The following ADAMTSL3 variants were observed in gnomAD, a reference collection of about 807,000 sequenced individuals.
ADAMTSL3 encodes ADAMTS like 3.
A neutral mutation model predicts 201.7 loss-of-function variants in ADAMTSL3; 128 were observed. That is an observed-to-expected ratio of 0.63 (90% CI 0.55 to 0.73). The LOEUF is 0.73. Ranked by LOEUF, ADAMTSL3 falls within the 30% of genes least tolerant of loss-of-function variation. ADAMTSL3 has a pLI of 0.00. For missense variants in ADAMTSL3, 1,990 were observed against 2,119.6 expected (o/e 0.94, Z 1.20); for synonymous variants, 738 against 748.4 (o/e 0.99, Z 0.23).
At chr15:83,832,901 G>A (rs569515747) in intron 6 of ADAMTSL3, among the ~76,000 whole-genome samples, 13 of 152,236 alleles carry the variant, frequency 8.5e-5, no homozygotes, top group Non-Finnish European at 1.9e-4. Flanking sequence ...TTAGAGGCAC[G>A]ACCTGGTTGG....
chr15:83,655,640 G>A (rs754646312), intron 1 of ADAMTSL3, 89 bp from the exon 2 acceptor site: 21 of 902,492 alleles, frequency 2.3e-5, no homozygotes, highest in Non-Finnish European at 3.5e-5. Context: ...TGGGCTTCAG[G>A]GTCCCTCCAT....
At chr15:83,828,428 T>C (rs1484626165) in intron 6 of ADAMTSL3, among the ~76,000 whole-genome samples, 1 of 152,230 alleles carries the variant, frequency 6.6e-6, no homozygotes, top group East Asian at 1.9e-4. Context: ...GATTTTGGGC[T>C]GAGACGATGG....
intron 4 of ADAMTSL3, among the ~76,000 whole-genome samples, chr15:83,803,275 A>G (rs2063551876): frequency 6.6e-6 from 1 of 152,172 alleles, no homozygotes; most frequent in African/African-American, 2.4e-5. Context: ...ATCAAGAAAA[A>G]TGGAAGCATC....
intron 16 of ADAMTSL3, among the ~76,000 whole-genome samples, chr15:83,922,270 A>C (rs1021477788): frequency 4.6e-5 from 7 of 152,152 alleles, no homozygotes; most frequent in Non-Finnish European, 7.3e-5. Flanking sequence ...TATCCTAAAC[A>C]CCTATTAAAC....
At chr15:83,789,900 C>A (rs2063318909) in intron 4 of ADAMTSL3, among the ~76,000 whole-genome samples, 2 of 152,066 alleles carry the variant, frequency 1.3e-5, no homozygotes, top group Admixed American at 1.3e-4. Flanking sequence ...ATCCTGCTTT[C>A]AAAAGTATCT....
chr15:83,922,109 A>G (rs1287541113), intron 16 of ADAMTSL3, among the ~76,000 whole-genome samples: 1 of 152,170 alleles, frequency 6.6e-6, no homozygotes, highest in Non-Finnish European at 1.5e-5. Context: ...ACTTATTTTT[A>G]TAATTTTTCC....
At chr15:83,938,097 C>T (rs1027342748) in intron 17 of ADAMTSL3, among the ~76,000 whole-genome samples, 1 of 151,212 alleles carries the variant, frequency 6.6e-6, no homozygotes, top group Non-Finnish European at 1.5e-5. Context: ...ATAATAGTTT[C>T]TGATTTATCA....
intron 9 of ADAMTSL3, 103 bp from the exon 10 acceptor site, chr15:83,884,998 G>C (rs1596355624): frequency 1.4e-6 from 1 of 692,632 alleles, no homozygotes; most frequent in East Asian, 2.8e-5. Flanking sequence ...CTAATGGATG[G>C]GTGGTTGTCT....
intron 15 of ADAMTSL3, among the ~76,000 whole-genome samples, chr15:83,909,920 G>T: frequency 6.7e-6 from 1 of 149,926 alleles, no homozygotes; most frequent in African/African-American, 2.4e-5. Context: ...CCGCTGATGG[G>T]TTTTGACAGA....
At chr15:83,955,987 A>C (rs1375116032) in intron 19 of ADAMTSL3, among the ~76,000 whole-genome samples, 1 of 152,064 alleles carries the variant, frequency 6.6e-6, no homozygotes, top group African/African-American at 2.4e-5. Flanking sequence ...ACACCATCAG[A>C]CTTGCCTAAG....
At position 83,913,442 on chromosome 15, in the gene ADAMTSL3, C is replaced by T. The variant is rs577698117; in HGVS notation, c.1987+64C>T. 5.2e-6 allele frequency: 8 copies of T among 1,537,192 alleles called. No individual in the cohort carries two copies. In the African/African-American group the frequency reaches 9.5e-5, roughly 18 times the overall value. ...GTTGCTAGTGGTTTGAGAAATTACTCAATCAGGTAAGCCAAATATGCAAAT... is the reference window on the plus strand; with the variant it reads ...GTTGCTAGTGGTTTGAGAAATTACTTAATCAGGTAAGCCAAATATGCAAAT... On this transcript the variant is annotated intron_variant, in intron 16 of 29. Transcript: ENST00000286744.
chr15:84,019,076 T>TAC (rs71453219), intron 25 of ADAMTSL3, among the ~76,000 whole-genome samples: 4,199 of 139,182 alleles, frequency 0.03, 128 homozygotes, highest in East Asian at 0.11. Flanking sequence ...CACACACACA[T>TAC]ACACACACAC....
intron 19 of ADAMTSL3, among the ~76,000 whole-genome samples, chr15:83,952,711 C>T (rs377412436): frequency 1.2e-4 from 18 of 150,994 alleles, no homozygotes; most frequent in South Asian, 6.3e-4. Flanking sequence ...GAGGTTGAGG[C>T]GAGAGAATCA....
intron 15 of ADAMTSL3, among the ~76,000 whole-genome samples, chr15:83,908,492 G>A (rs2065879317): frequency 6.6e-6 from 1 of 152,060 alleles, no homozygotes; most frequent in Admixed American, 6.5e-5. Context: ...TAATATTATT[G>A]TTCTTATTTT....
chr15:84,024,088 TA>T (rs2068255775), intron 26 of ADAMTSL3, among the ~76,000 whole-genome samples: 1 of 152,080 alleles, frequency 6.6e-6, no homozygotes, highest in Non-Finnish European at 1.5e-5. Flanking sequence ...ACCCCGTCCC[TA>T]CTAAAAATAC....
intron 19 of ADAMTSL3, among the ~76,000 whole-genome samples, chr15:83,958,119 C>T (rs139928960): frequency 5.3e-5 from 8 of 151,998 alleles, no homozygotes; most frequent in African/African-American, 1.7e-4. Context: ...AGCTGGGCAG[C>T]GATAAAAAAG....
At chr15:83,893,065 C>G (rs1042598286) in intron 13 of ADAMTSL3, among the ~76,000 whole-genome samples, 177 bp downstream of exon 13, 1 of 152,072 alleles carries the variant, frequency 6.6e-6, no homozygotes, top group African/African-American at 2.4e-5. Flanking sequence ...AGACCACAAG[C>G]ATCATGGTAG....
chr15:83,738,951 A>AAAAAT (rs57844422), intron 3 of ADAMTSL3, among the ~76,000 whole-genome samples: 57,666 of 148,708 alleles, frequency 0.39, 12,130 homozygotes, highest in South Asian at 0.62. Context: ...CCACAAGAAA[A>AAAAAT]AAAATAAAAT....
intron 2 of ADAMTSL3, among the ~76,000 whole-genome samples, chr15:83,702,663 C>G (rs1312402276): frequency 2.6e-5 from 4 of 152,134 alleles, no homozygotes. Flanking sequence ...CAACAGAAGT[C>G]AAGAATTGAG....
Sources: allele counts gnomAD v4.1 joint callset (sites outside exome capture counted in the v4.1 genomes callset), GRCh38; gene constraint gnomAD v4.1.1; transcripts MANE v1.5; gene names NCBI Gene and HGNC (gene_info 2026-07-23, HGNC 2026-07-21).